Variants in ZCCHC17 observed in about 807,000 individuals in gnomAD.
ZCCHC17 encodes zinc finger CCHC-type containing 17.
ZCCHC17 carries 18 observed loss-of-function variants against 30.6 expected under a neutral mutation model. That is an observed-to-expected ratio of 0.59 (90% CI 0.41 to 0.87). The LOEUF is 0.87. Ranked by LOEUF, ZCCHC17 falls within the 40% of genes least tolerant of loss-of-function variation. ZCCHC17 has a pLI of 0.00. For missense variants in ZCCHC17, 263 were observed against 284.2 expected (o/e 0.93, Z 0.54); for synonymous variants, 88 against 92.4 (o/e 0.95, Z 0.27).
In ZCCHC17 at chr1:31,361,050, G is replaced by A. The variant is rs189011320; in HGVS notation, c.565-2982G>A. 1.2e-4 allele frequency among the ~76,000 whole-genome samples: 18 copies of A among 152,254 alleles called. No homozygotes were observed. The South Asian group carries it at 3.3e-3, about 28-fold the overall frequency. ...CCCAGGATATTCACCTATATAAGGG[G>A]CAGAACCCAGTGAGGCTCCTGACCC... is the stretch of plus-strand genomic sequence containing the variant. On this transcript the variant is annotated intron_variant, in intron 7 of 7. Transcript: ENST00000344147.
chr1:31,316,141 AC>A (rs1264079620), intron 2 of ZCCHC17, among the ~76,000 whole-genome samples: 3 of 152,164 alleles, frequency 2.0e-5, no homozygotes, highest in African/African-American at 7.2e-5. Flanking sequence ...TTGCTCTGTC[AC>A]CCAGGCTGGA....
At chr1:31,357,354 G>A (rs1251444477) in intron 7 of ZCCHC17, among the ~76,000 whole-genome samples, 8 of 152,122 alleles carry the variant, frequency 5.3e-5, no homozygotes, top group East Asian at 1.9e-4. Flanking sequence ...TCAGTGGTTC[G>A]CTTTCTTCTA....
chr1:31,325,685 G>A (rs888444894), intron 3 of ZCCHC17, among the ~76,000 whole-genome samples: 6 of 152,218 alleles, frequency 3.9e-5, no homozygotes, highest in Non-Finnish European at 8.8e-5. Flanking sequence ...CATGAGCCAA[G>A]CGCAGCCCAT....
At chr1:31,345,007 A>C (rs1639189889) in intron 5 of ZCCHC17, among the ~76,000 whole-genome samples, 1 of 149,760 alleles carries the variant, frequency 6.7e-6, no homozygotes, top group African/African-American at 2.5e-5. Context: ...TACAAACACA[A>C]GCCACCATGC....
intron 5 of ZCCHC17, among the ~76,000 whole-genome samples, chr1:31,339,960 C>CTTTT (rs36008834): frequency 0.023 from 2,048 of 90,340 alleles, 320 homozygotes; most frequent in East Asian, 0.071. Context: ...TCTTGGATTT[C>CTTTT]TTTTTTTTTT....
chr1:31,315,476 A>T (rs1476381948), intron 2 of ZCCHC17, among the ~76,000 whole-genome samples: 1 of 152,214 alleles, frequency 6.6e-6, no homozygotes, highest in Non-Finnish European at 1.5e-5. Context: ...AGGTACGAGC[A>T]TAGCAATGAG....
At chr1:31,332,547 G>A (rs966789366) in intron 3 of ZCCHC17, among the ~76,000 whole-genome samples, 3 of 151,904 alleles carry the variant, frequency 2.0e-5, no homozygotes, top group Non-Finnish European at 4.4e-5. Context: ...TGGAAATAAT[G>A]CATGCTCATC....
At chr1:31,304,930 T>C (rs867121453) in intron 1 of ZCCHC17, among the ~76,000 whole-genome samples, 1 of 152,164 alleles carries the variant, frequency 6.6e-6, no homozygotes, top group Non-Finnish European at 1.5e-5. Context: ...TCTTTTTTTT[T>C]CCAAGTGAAA....
At chr1:31,339,972 T>TC (rs1638977282) in intron 5 of ZCCHC17, among the ~76,000 whole-genome samples, 1 of 119,730 alleles carries the variant, frequency 8.4e-6, no homozygotes, top group African/African-American at 5.1e-5. Flanking sequence ...TTTTTTTTTT[T>TC]TTTTTTTTTT....
chr1:31,310,029 A>G lies in ZCCHC17; in HGVS notation c.-55-15A>G. The G allele has an allele frequency of 6.7e-7, 1 of 1,499,168 alleles. No individual in the cohort carries two copies. Among genetic ancestry groups the G allele is most frequent in the Admixed American group, 1.8e-5 (1 of 55,586 alleles). The allele number at this position is 1,499,168 out of a possible 1,614,324, so 92.9% of individuals were successfully genotyped here. On this transcript the variant is annotated splice_polypyrimidine_tract_variant and intron_variant, in intron 1 of 7. Transcript: ENST00000344147. Reference sequence around the variant, plus strand: ...CAGATATCTCTCTAATTGGTGTCTGATTTCTTTATGACAGGACACTTGTAT... The same window carrying G: ...CAGATATCTCTCTAATTGGTGTCTGGTTTCTTTATGACAGGACACTTGTAT...
intron 5 of ZCCHC17, among the ~76,000 whole-genome samples, chr1:31,344,322 T>C (rs1639161861): frequency 6.6e-6 from 1 of 152,184 alleles, no homozygotes; most frequent in South Asian, 2.1e-4. Flanking sequence ...AAAGCACATA[T>C]GACTTAACTC....
At position 31,334,337 on chromosome 1, in the gene ZCCHC17, CTGTGTGTGTGTGTGTGTG is replaced by C. The variant is rs59851204; in HGVS notation, c.125-2803_125-2786del. On this transcript the variant is annotated intron_variant, in intron 3 of 7. Transcript: ENST00000344147. ...TCTCTCTCTCTCTCTCTCTCTCTCTCTGTGTGTGTGTGTGTGTGTGTGTGTGTGTGTGTGTGTGTGTGT... is the reference window on the plus strand; with the variant it reads ...TCTCTCTCTCTCTCTCTCTCTCTCTCTGTGTGTGTGTGTGTGTGTGTGTGT... Among the ~76,000 whole-genome samples the C allele has an allele frequency of 1.3e-3, 111 of 85,598 alleles. 1 individual carries two copies. Among genetic ancestry groups the C allele is most frequent in the African/African-American group, 4.3e-3 (87 of 20,242 alleles). 56.2% of individuals were successfully genotyped at this position (85,598 alleles called of 152,430 possible). A position where few individuals can be genotyped will look rare whatever the true frequency, so the allele number is the denominator to read the frequency against.
chr1:31,352,391 G>T (rs932084754), intron 7 of ZCCHC17, among the ~76,000 whole-genome samples: 2 of 152,036 alleles, frequency 1.3e-5, no homozygotes, highest in African/African-American at 4.8e-5. Context: ...TTTGTGACTG[G>T]CTTATTTCAC....
rs568737387 is a variant in ZCCHC17 at position 31,305,986 on chromosome 1, C to T, written c.-55-4058C>T. On this transcript the variant is annotated intron_variant, in intron 1 of 7. Coordinates refer to ENST00000344147, the MANE Select transcript of ZCCHC17 (RefSeq NM_016505.4). ...GGGCACTGCTGAACCCAGTTGCTATCAATTGGAAGACGTTTCTGTTTGTAT... is the reference window on the plus strand; with the variant it reads ...GGGCACTGCTGAACCCAGTTGCTATTAATTGGAAGACGTTTCTGTTTGTAT... Among the ~76,000 whole-genome samples, 8 of 152,208 alleles carry T rather than the reference C, an allele frequency of 5.3e-5. No individual in the cohort carries two copies. The South Asian group carries it at 1.7e-3, about 32-fold the overall frequency.
In ZCCHC17 at chr1:31,358,888, A is replaced by G. The variant is rs373438647; in HGVS notation, c.565-5144A>G. ...ATGAGATCACCTGCAGAGTAAATAT[A>G]GGGAAGAGACTGAGCCCCAGAGTGC... On this transcript the variant is annotated intron_variant, in intron 7 of 7. Coordinates refer to ENST00000344147, the MANE Select transcript of ZCCHC17 (RefSeq NM_016505.4). Among the ~76,000 whole-genome samples, 44 of 152,314 alleles carry G rather than the reference A, an allele frequency of 2.9e-4. 1 individual carries two copies. In the East Asian group the frequency reaches 5.2e-3, roughly 18 times the overall value.
chr1:31,319,704 G>A (rs1001541046), intron 3 of ZCCHC17, among the ~76,000 whole-genome samples: 1 of 152,132 alleles, frequency 6.6e-6, no homozygotes, highest in Non-Finnish European at 1.5e-5. Context: ...CAGACCGGTT[G>A]TCTGCCCAGA....
At chr1:31,334,350 TG>T (rs1362433461) in intron 3 of ZCCHC17, among the ~76,000 whole-genome samples, 1 of 39,394 alleles carries the variant, frequency 2.5e-5, no homozygotes, top group East Asian at 3.6e-4. Context: ...TGTGTGTGTG[TG>T]TGTGTGTGTG....
At chr1:31,320,880 C>T (rs1211797546) in intron 3 of ZCCHC17, among the ~76,000 whole-genome samples, 1 of 152,114 alleles carries the variant, frequency 6.6e-6, no homozygotes, top group African/African-American at 2.4e-5. Flanking sequence ...AAAGTGACCA[C>T]GCCATTTTAC....
At chr1:31,329,321 T>C (rs1399204313) in intron 3 of ZCCHC17, among the ~76,000 whole-genome samples, 1 of 152,238 alleles carries the variant, frequency 6.6e-6, no homozygotes, top group Non-Finnish European at 1.5e-5. Flanking sequence ...GACTATCTAT[T>C]AGGCAGTGCA....
Sources: allele counts gnomAD v4.1 joint callset (sites outside exome capture counted in the v4.1 genomes callset), GRCh38; gene constraint gnomAD v4.1.1; transcripts MANE v1.5; gene names NCBI Gene and HGNC (gene_info 2026-07-23, HGNC 2026-07-21).